Variants in AGBL4 observed in about 807,000 individuals in gnomAD.
The protein encoded by AGBL4 is AGBL carboxypeptidase 4.
A neutral mutation model predicts 66.4 loss-of-function variants in AGBL4; 58 were observed. The observed-to-expected ratio is 0.87, with a 90% CI of 0.71 to 1.09. The LOEUF is 1.09. Ranked by LOEUF, AGBL4 falls within the 50% of genes least tolerant of loss-of-function variation. The pLI, the probability that AGBL4 is intolerant of heterozygous loss-of-function variation, is 0.00. For synonymous variants in AGBL4, 234 were observed against 222.9 expected, an observed-to-expected ratio of 1.05 and a Z score of -0.44; for missense variants, 579 against 631.0, an observed-to-expected ratio of 0.92 and a Z score of 0.88.
At chr1:49,817,723 C>A (rs963294818) in intron 2 of AGBL4, among the ~76,000 whole-genome samples, 8 of 151,792 alleles carry the variant, frequency 5.3e-5, no homozygotes, top group African/African-American at 1.9e-4. Context: ...CATATTTTAC[C>A]CTGTTTAGAT....
chr1:48,950,403 C>T (rs958861001), intron 5 of AGBL4, among the ~76,000 whole-genome samples: 18 of 152,182 alleles, frequency 1.2e-4, no homozygotes, highest in Admixed American at 2.0e-4. Context: ...TGGCCGACCT[C>T]ATTTTAACAA....
chr1:49,413,777 T>C lies in AGBL4; in HGVS notation c.283-167913A>G, dbSNP rs183262572. Among the ~76,000 whole-genome samples the C allele has an allele frequency of 1.2e-4, 18 of 152,328 alleles. No individual in the cohort carries two copies. The East Asian group carries it at 3.5e-3, about 29-fold the overall frequency. On this transcript the variant is annotated intron_variant, in intron 3 of 13. Transcript: ENST00000371839. ...CATGAAAAATGCAGAGGTGACATTATGATGTAGTAAATAGAATGCTGACTT... is the reference window on the plus strand; with the variant it reads ...CATGAAAAATGCAGAGGTGACATTACGATGTAGTAAATAGAATGCTGACTT...
At chr1:49,801,088 A>C (rs1228440932) in intron 2 of AGBL4, among the ~76,000 whole-genome samples, 2 of 152,192 alleles carry the variant, frequency 1.3e-5, no homozygotes, top group Non-Finnish European at 2.9e-5. Context: ...GCAGCCAAAA[A>C]ACACATGAAA....
At chr1:49,909,538 C>T (rs770816201) in intron 1 of AGBL4, among the ~76,000 whole-genome samples, 2 of 152,056 alleles carry the variant, frequency 1.3e-5, no homozygotes, top group South Asian at 2.1e-4. Context: ...GACAAGGACA[C>T]CAGTATGGTC....
chr1:49,501,871 CTTG>C (rs879643259), intron 3 of AGBL4, among the ~76,000 whole-genome samples: 1 of 151,886 alleles, frequency 6.6e-6, no homozygotes, highest in Non-Finnish European at 1.5e-5. Flanking sequence ...TGAATCATTG[CTTG>C]TTAAGCAGCA....
intron 3 of AGBL4, among the ~76,000 whole-genome samples, chr1:49,589,107 G>A (rs1489586385): frequency 6.6e-6 from 1 of 152,044 alleles, no homozygotes; most frequent in Non-Finnish European, 1.5e-5. Context: ...ATAAGCTGTG[G>A]TTTAGATCTC....
At chr1:49,892,003 G>C (rs1285709081) in intron 1 of AGBL4, among the ~76,000 whole-genome samples, 1 of 152,130 alleles carries the variant, frequency 6.6e-6, no homozygotes, top group Non-Finnish European at 1.5e-5. Context: ...GGGTAAACTG[G>C]AAAAAGCCCT....
In AGBL4 at chr1:48,718,827, A is replaced by G. The variant is rs149718912; in HGVS notation, c.635-55586T>C. 3.6e-3 allele frequency among the ~76,000 whole-genome samples: 553 copies of G among 152,288 alleles called. 8 individuals carry two copies. Among genetic ancestry groups the G allele is most frequent in the African/African-American group, 9.9e-3 (413 of 41,568 alleles). ...AAGTGACCAGCCCACAGGCTCCCAC[A>G]GGTGGAGTGTGACACCCTAACTAAG... On this transcript the variant is annotated intron_variant, in intron 6 of 13. Transcript: ENST00000371839.
intron 3 of AGBL4, among the ~76,000 whole-genome samples, chr1:49,380,000 G>A (rs1242084598): frequency 6.6e-6 from 1 of 152,102 alleles, no homozygotes; most frequent in African/African-American, 2.4e-5. Flanking sequence ...GTTCTGGCCA[G>A]GGAAATTAGG....
At chr1:48,824,905 C>T (rs1287249410) in intron 6 of AGBL4, among the ~76,000 whole-genome samples, 1 of 152,194 alleles carries the variant, frequency 6.6e-6, no homozygotes, top group Non-Finnish European at 1.5e-5. Context: ...CTGCAACTAC[C>T]TGTGTAAAAC....
intron 5 of AGBL4, among the ~76,000 whole-genome samples, chr1:48,933,172 A>G (rs1395251335): frequency 6.6e-6 from 1 of 152,200 alleles, no homozygotes; most frequent in Admixed American, 6.5e-5. Context: ...TGAAAATGAA[A>G]TAAAGATATA....
At chr1:49,343,246 C>T (rs1645576033) in intron 3 of AGBL4, among the ~76,000 whole-genome samples, 1 of 152,074 alleles carries the variant, frequency 6.6e-6, no homozygotes, top group Non-Finnish European at 1.5e-5. Context: ...CCACAGACCC[C>T]GTTTTGGGAG....
In AGBL4 at chr1:49,384,622, A is replaced by G. The variant is rs187600305; in HGVS notation, c.283-138758T>C. 2.9e-3 allele frequency among the ~76,000 whole-genome samples: 444 copies of G among 152,134 alleles called. 1 individual carries two copies. Among genetic ancestry groups the G allele is most frequent in the Non-Finnish European group, 4.7e-3 (321 of 67,978 alleles). Reference sequence around the variant, plus strand: ...CAAACAAACAAACAAAAACAAAGCAAACAAAAGCCAACAGGCATATGAAAA... The same window carrying G: ...CAAACAAACAAACAAAAACAAAGCAGACAAAAGCCAACAGGCATATGAAAA... On this transcript the variant is annotated intron_variant, in intron 3 of 13. Transcript: ENST00000371839.
chr1:49,935,431 G>A (rs924658132), intron 1 of AGBL4, among the ~76,000 whole-genome samples: 6 of 152,230 alleles, frequency 3.9e-5, no homozygotes, highest in Admixed American at 3.9e-4. Context: ...AAAGACAGCA[G>A]TAACCTCTGC....
At chr1:49,688,240 G>A (rs1646822749) in intron 3 of AGBL4, among the ~76,000 whole-genome samples, 1 of 152,038 alleles carries the variant, frequency 6.6e-6, no homozygotes, top group Non-Finnish European at 1.5e-5. Context: ...CCAGCCTCTG[G>A]TAACCATCCT....
intron 2 of AGBL4, among the ~76,000 whole-genome samples, chr1:49,757,381 A>G (rs1241500267): frequency 6.6e-6 from 1 of 152,196 alleles, no homozygotes; most frequent in African/African-American, 2.4e-5. Flanking sequence ...TATAATTGAA[A>G]TGTGCATGTG....
At chr1:49,575,803 G>A (rs1163201405) in intron 3 of AGBL4, among the ~76,000 whole-genome samples, 3 of 152,170 alleles carry the variant, frequency 2.0e-5, no homozygotes, top group Non-Finnish European at 2.9e-5. Context: ...CAGCTGCAAG[G>A]CCAGCAATAT....
At chr1:49,657,182 C>T (rs1646157849) in intron 3 of AGBL4, among the ~76,000 whole-genome samples, 1 of 152,132 alleles carries the variant, frequency 6.6e-6, no homozygotes, top group African/African-American at 2.4e-5. Flanking sequence ...AATCAATGTG[C>T]AAAAATCACA....
chr1:49,323,609 C>A (rs1468402145), intron 3 of AGBL4, among the ~76,000 whole-genome samples: 1 of 151,900 alleles, frequency 6.6e-6, no homozygotes, highest in African/African-American at 2.4e-5. Flanking sequence ...TGACTTTTCT[C>A]CTGCTGTTTC....
Sources: allele counts gnomAD v4.1 joint callset (sites outside exome capture counted in the v4.1 genomes callset), GRCh38; gene constraint gnomAD v4.1.1; transcripts MANE v1.5; gene names NCBI Gene and HGNC (gene_info 2026-07-23, HGNC 2026-07-21).